The following ZFPM2 variants were observed in gnomAD, a reference collection of about 807,000 sequenced individuals.
The protein encoded by ZFPM2 is zinc finger protein ZFPM2.
A neutral mutation model predicts 98.6 loss-of-function variants in ZFPM2; 20 were observed. The ratio of observed to expected loss-of-function variants is 0.20; its 90% CI spans 0.14 to 0.29. ZFPM2 has a LOEUF of 0.29. Among genes scored for constraint, ZFPM2 ranks in the 10% least tolerant of loss-of-function variants. The pLI, the probability that ZFPM2 is intolerant of heterozygous loss-of-function variation, is 1.00. For synonymous variants in ZFPM2, 518 were observed against 502.7 expected (o/e 1.03, Z -0.41); for missense variants, 1,310 against 1,388.6 (o/e 0.94, Z 0.90).
intron 5 of ZFPM2, among the ~76,000 whole-genome samples, chr8:105,715,396 AC>A (rs1478192869): frequency 7.0e-6 from 1 of 142,418 alleles, no homozygotes; most frequent in South Asian, 2.3e-4. Flanking sequence ...ATAGAGTGAG[AC>A]CCCATCTCTT....
At chr8:105,419,393 A>AATTATGTGTCAG in intron 2 of ZFPM2, 91 bp downstream of exon 2, 1 of 1,454,630 alleles carries the variant, frequency 6.9e-7, no homozygotes, top group Non-Finnish European at 9.3e-7. Flanking sequence ...CAGAGTGCTG[A>AATTATGTGTCAG]CACATAATTC....
At chr8:105,361,802 C>G (rs1466693228) in intron 1 of ZFPM2, among the ~76,000 whole-genome samples, 2 of 151,362 alleles carry the variant, frequency 1.3e-5, no homozygotes, top group African/African-American at 4.9e-5. Context: ...ATGGTGGTCC[C>G]ATAAGATAAT....
At chr8:105,380,196 A>G (rs1039940706) in intron 1 of ZFPM2, among the ~76,000 whole-genome samples, 12 of 152,224 alleles carry the variant, frequency 7.9e-5, no homozygotes, top group African/African-American at 2.2e-4. Context: ...GTTAGTTGAA[A>G]TACTTATAGA....
chr8:105,525,955 A>C (rs79001083), intron 3 of ZFPM2, among the ~76,000 whole-genome samples: 13,080 of 152,060 alleles, frequency 0.086, 749 homozygotes, highest in African/African-American at 0.17. Context: ...TGCCTGGCCT[A>C]AGTGCTCAAA....
chr8:105,521,273 A>T (rs377552535), intron 3 of ZFPM2, among the ~76,000 whole-genome samples: 1 of 152,058 alleles, frequency 6.6e-6, no homozygotes, highest in Admixed American at 6.6e-5. Flanking sequence ...TAGAAGATGG[A>T]AAGTAAATAG....
intron 1 of ZFPM2, among the ~76,000 whole-genome samples, chr8:105,340,135 G>A (rs1812400088): frequency 2.6e-5 from 4 of 151,866 alleles, no homozygotes; most frequent in South Asian, 2.1e-4. Flanking sequence ...AAATGAAGGA[G>A]CCATTGCAAT....
intron 5 of ZFPM2, among the ~76,000 whole-genome samples, chr8:105,657,320 G>A (rs950601167): frequency 6.6e-6 from 1 of 152,060 alleles, no homozygotes; most frequent in African/African-American, 2.4e-5. Flanking sequence ...TGTATTCTTA[G>A]TAGAAACGGG....
intron 1 of ZFPM2, among the ~76,000 whole-genome samples, chr8:105,351,128 A>G (rs566228636): frequency 5.2e-4 from 78 of 150,738 alleles, no homozygotes; most frequent in Non-Finnish European, 1.0e-3. Flanking sequence ...GGTTGCAGTG[A>G]GCCGAGATCA....
At chr8:105,734,535 C>T (rs1367186635) in intron 5 of ZFPM2, among the ~76,000 whole-genome samples, 8 of 151,888 alleles carry the variant, frequency 5.3e-5, no homozygotes, top group South Asian at 2.1e-4. Context: ...TCCATTTTGT[C>T]GGCTGCATTA....
chr8:105,537,893 G>T (rs535796385), intron 3 of ZFPM2, among the ~76,000 whole-genome samples: 151 of 151,852 alleles, frequency 9.9e-4, no homozygotes, highest in African/African-American at 3.5e-3. Flanking sequence ...CACCACGCCT[G>T]GCTAATTTTT....
intron 1 of ZFPM2, among the ~76,000 whole-genome samples, chr8:105,372,471 A>C (rs1810643766): frequency 6.6e-6 from 1 of 152,222 alleles, no homozygotes; most frequent in Non-Finnish European, 1.5e-5. Flanking sequence ...TGAAATATAC[A>C]AAATAAATTG....
intron 3 of ZFPM2, among the ~76,000 whole-genome samples, chr8:105,457,077 CAAT>C (rs1294075861): frequency 1.3e-5 from 2 of 152,154 alleles, no homozygotes; most frequent in Non-Finnish European, 2.9e-5. Flanking sequence ...CATTTGCTAA[CAAT>C]AAATTATATA....
In ZFPM2 at chr8:105,382,716, G is replaced by A. The variant is rs185879361; in HGVS notation, c.41-36428G>A. The stretch of plus-strand genomic sequence containing the variant: ...TTATGATGGAAAGACTAAGTATAGG[G>A]GAAGGTTAGACATAACTTACTTGGC... On this transcript the variant is annotated intron_variant, in intron 1 of 7. Coordinates refer to ENST00000407775, the MANE Select transcript of ZFPM2 (RefSeq NM_012082.4). 2.6e-5 allele frequency among the ~76,000 whole-genome samples: 4 copies of A among 152,136 alleles called. No homozygotes were observed. In the East Asian group the frequency reaches 5.8e-4, roughly 22 times the overall value.
At chr8:105,377,359 G>GCCTC (rs1810747575) in intron 1 of ZFPM2, among the ~76,000 whole-genome samples, 1 of 151,420 alleles carries the variant, frequency 6.6e-6, no homozygotes, top group Non-Finnish European at 1.5e-5. Context: ...GCTTACTATC[G>GCCTC]CCTCCCTCTA....
At chr8:105,578,119 T>C (rs1295236211) in intron 4 of ZFPM2, among the ~76,000 whole-genome samples, 1 of 152,126 alleles carries the variant, frequency 6.6e-6, no homozygotes, top group Admixed American at 6.5e-5. Flanking sequence ...AGGATAAAAG[T>C]ATACTCAATC....
intron 5 of ZFPM2, among the ~76,000 whole-genome samples, chr8:105,786,041 CAAAAAAAAAAAAAA>C (rs60740995): frequency 5.0e-5 from 2 of 39,830 alleles, no homozygotes; most frequent in South Asian, 1.5e-3. Flanking sequence ...GACTCCGTCT[CAAAAAAAAAAAAAA>C]AAAAAAAAAA....
chr8:105,366,050 G>C (rs1810498416), intron 1 of ZFPM2, among the ~76,000 whole-genome samples: 1 of 152,076 alleles, frequency 6.6e-6, no homozygotes, highest in South Asian at 2.1e-4. Context: ...CACTGCTGAT[G>C]GATTAAGGGT....
At chr8:105,605,186 G>A (rs1183879915) in intron 4 of ZFPM2, among the ~76,000 whole-genome samples, 4 of 152,052 alleles carry the variant, frequency 2.6e-5, no homozygotes, top group Non-Finnish European at 5.9e-5. Context: ...AGACAGCGGA[G>A]ATAGTAGAAA....
chr8:105,325,019 A>G (rs1409304712), intron 1 of ZFPM2, among the ~76,000 whole-genome samples: 4 of 151,886 alleles, frequency 2.6e-5, no homozygotes, highest in Non-Finnish European at 5.9e-5. Context: ...CCTCCAAGTC[A>G]TATTCCCTTG....
Sources: gnomAD v4.1 joint callset for allele counts (sites outside exome capture counted in the v4.1 genomes callset) on GRCh38, gnomAD v4.1.1 for gene constraint, MANE v1.5 for transcripts, NCBI Gene and HGNC (gene_info 2026-07-23, HGNC 2026-07-21) for gene names.